Variants in KLHL2 observed in about 807,000 individuals in gnomAD.
KLHL2 encodes the protein kelch-like protein 2.
KLHL2 carries 15 observed loss-of-function variants against 75.8 expected under a neutral mutation model. That is an observed-to-expected ratio of 0.20 (90% CI 0.13 to 0.30). The LOEUF (loss-of-function observed/expected upper bound fraction) is 0.30, where lower values mean the gene tolerates loss of function less well. Among genes scored for constraint, KLHL2 ranks in the 10% least tolerant of loss-of-function variants. The pLI, the probability that KLHL2 is intolerant of heterozygous loss-of-function variation, is 1.00. For missense variants in KLHL2, 381 were observed against 741.0 expected (o/e 0.51, Z 5.64); for synonymous variants, 214 against 251.9 (o/e 0.85, Z 1.42).
chr4:165,310,774 A>G (rs371784507), intron 10 of KLHL2, 24 bp downstream of exon 10: 2 of 1,552,750 alleles, frequency 1.3e-6, no homozygotes, highest in African/African-American at 2.7e-5. Context: ...CATTTATTCT[A>G]CATTGCTGCT....
At chr4:165,229,691 G>A (rs1220570166) in intron 3 of KLHL2, among the ~76,000 whole-genome samples, 4 of 152,202 alleles carry the variant, frequency 2.6e-5, no homozygotes, top group Non-Finnish European at 5.9e-5. Flanking sequence ...AGCTTCCTGT[G>A]TAGCTAGGCA....
chr4:165,247,488 T>C (rs1740356648), intron 4 of KLHL2, among the ~76,000 whole-genome samples: 1 of 152,194 alleles, frequency 6.6e-6, no homozygotes. Context: ...TAGAATAACC[T>C]AGTAGAAAAG....
At chr4:165,275,098 ATTTATTTTATTTTAT>A (rs201930063) in intron 5 of KLHL2, among the ~76,000 whole-genome samples, 48 of 146,736 alleles carry the variant, frequency 3.3e-4, no homozygotes, top group Middle Eastern at 3.4e-3. Flanking sequence ...CTCCTGAAAG[ATTTATTTTATTTTAT>A]TTTATTTTAT....
Position 165,207,740 on chromosome 4 carries a change from G to C in KLHL2, c.-137G>C. The C allele has an allele frequency of 1.9e-6, 1 of 513,822 alleles. No individual in the cohort carries two copies. The highest frequency in any genetic ancestry group is 4.9e-5 in the South Asian group (1 of 20,532). The allele number at this position is 513,822 out of a possible 1,614,324, so 31.8% of individuals were successfully genotyped here. ...GGGCCGCCGCCGCAGGTGGTGGCGC[G>C]CGGTGAGGAGAGCGCGGCGCCCCCT... On this transcript the variant is annotated 5_prime_UTR_variant, in exon 1 of 15. Coordinates refer to ENST00000226725, the MANE Select transcript of KLHL2 (RefSeq NM_007246.4). The surrounding 1 kb of genome is among the most constrained non-coding windows in gnomAD (Gnocchi z 4.2).
intron 4 of KLHL2, among the ~76,000 whole-genome samples, chr4:165,250,224 A>G (rs1331165152): frequency 6.6e-6 from 1 of 152,156 alleles, no homozygotes; most frequent in Non-Finnish European, 1.5e-5. Context: ...CTCCTCCAAC[A>G]TTGCCCTCCA....
At chr4:165,274,149 A>G (rs115460288) in intron 5 of KLHL2, among the ~76,000 whole-genome samples, 11 of 152,326 alleles carry the variant, frequency 7.2e-5, no homozygotes, top group African/African-American at 2.6e-4. Context: ...AAAGAAAAGA[A>G]GGAAGGGAAG....
At chr4:165,298,224 A>G (rs957551954) in intron 7 of KLHL2, among the ~76,000 whole-genome samples, 2 of 152,182 alleles carry the variant, frequency 1.3e-5, no homozygotes, top group African/African-American at 2.4e-5. Flanking sequence ...TCACTTAAAT[A>G]CATGTAAATA....
chr4:165,218,820 A>G (rs1219807900), intron 1 of KLHL2, among the ~76,000 whole-genome samples: 1 of 152,190 alleles, frequency 6.6e-6, no homozygotes, highest in Non-Finnish European at 1.5e-5. Context: ...GCAATTAATA[A>G]TGATGTTTGC....
intron 3 of KLHL2, among the ~76,000 whole-genome samples, chr4:165,237,415 GT>G (rs1411709277): frequency 6.7e-6 from 1 of 149,796 alleles, no homozygotes; most frequent in East Asian, 2.0e-4. Flanking sequence ...ACAAAGAGAT[GT>G]TTTTCTTCCT....
At chr4:165,278,713 G>A in intron 5 of KLHL2, 1 of 1,602,326 alleles carries the variant, frequency 6.2e-7, no homozygotes, top group Non-Finnish European at 8.6e-7. Flanking sequence ...ATACCGGTTT[G>A]TCTCTGCCAA....
chr4:165,231,852 G>T (rs1230987588), intron 3 of KLHL2, among the ~76,000 whole-genome samples: 1 of 152,090 alleles, frequency 6.6e-6, no homozygotes, highest in East Asian at 1.9e-4. Flanking sequence ...CAAAGTTACT[G>T]TACCATTTTA....
chr4:165,264,051 C>CA (rs1354505513), intron 5 of KLHL2, among the ~76,000 whole-genome samples: 1 of 151,972 alleles, frequency 6.6e-6, no homozygotes, highest in East Asian at 1.9e-4. Context: ...CTTCAGACCC[C>CA]TCATCTCTGC....
intron 2 of KLHL2, among the ~76,000 whole-genome samples, chr4:165,223,727 G>A (rs762238738): frequency 6.6e-6 from 1 of 152,156 alleles, no homozygotes; most frequent in Non-Finnish European, 1.5e-5. Flanking sequence ...TTTTAGGTCA[G>A]CAGTGCATCT....
At chr4:165,283,608 A>G (rs1743856838) in intron 5 of KLHL2, among the ~76,000 whole-genome samples, 1 of 152,164 alleles carries the variant, frequency 6.6e-6, no homozygotes, top group Non-Finnish European at 1.5e-5. Flanking sequence ...GGCTGCCTTC[A>G]GGGGCTGGTG....
chr4:165,248,737 C>A (rs1335544833), intron 4 of KLHL2, among the ~76,000 whole-genome samples: 3 of 152,096 alleles, frequency 2.0e-5, no homozygotes, highest in African/African-American at 7.2e-5. Flanking sequence ...CAGATCCTAG[C>A]AAGTCTGCAG....
At chr4:165,255,390 G>T (rs1434443721) in intron 4 of KLHL2, among the ~76,000 whole-genome samples, 1 of 152,122 alleles carries the variant, frequency 6.6e-6, no homozygotes, top group Non-Finnish European at 1.5e-5. Context: ...TTTTTGTGGG[G>T]AGGGGGAGGT....
chr4:165,280,159 A>G (rs961901622), intron 5 of KLHL2, among the ~76,000 whole-genome samples: 1 of 152,212 alleles, frequency 6.6e-6, no homozygotes, highest in African/African-American at 2.4e-5. Context: ...GCCTAGACCC[A>G]GTAGTCAGTC....
At chr4:165,244,605 A>G (rs1436458210) in intron 4 of KLHL2, among the ~76,000 whole-genome samples, 2 of 152,214 alleles carry the variant, frequency 1.3e-5, no homozygotes, top group African/African-American at 4.8e-5. Flanking sequence ...GGAATATCTG[A>G]TAAGTACTCG....
chr4:165,219,719 G>A, intron 1 of KLHL2: 1 of 1,288,308 alleles, frequency 7.8e-7, no homozygotes, highest in East Asian at 3.1e-5. Context: ...TGGACACCAG[G>A]GAGGTAATTA....
Sources: gnomAD v4.1 joint callset for allele counts (sites outside exome capture counted in the v4.1 genomes callset) on GRCh38, gnomAD v4.1.1 for gene constraint, Gnocchi (gnomAD v3.1) non-coding constraint, MANE v1.5 for transcripts, NCBI Gene and HGNC (gene_info 2026-07-23, HGNC 2026-07-21) for gene names.